The following RTTN variants were observed in gnomAD, a reference collection of about 807,000 sequenced individuals.
RTTN encodes rotatin.
A neutral mutation model predicts 269.2 loss-of-function variants in RTTN; 182 were observed. That is an observed-to-expected ratio of 0.68 (90% CI 0.60 to 0.76). The LOEUF (loss-of-function observed/expected upper bound fraction) is 0.76, where lower values mean the gene tolerates loss of function less well. Ranked by LOEUF, RTTN falls within the 30% of genes least tolerant of loss-of-function variation. The probability of loss-of-function intolerance (pLI) is 0.00; values close to 1 mark genes in which losing one functional copy is unlikely to be tolerated. For missense variants in RTTN, 2,545 were observed against 2,608.6 expected, an observed-to-expected ratio of 0.98 and a Z score of 0.53; for synonymous variants, 1,006 against 963.5, an observed-to-expected ratio of 1.04 and a Z score of -0.82.
At chr18:70,193,010 G>T in intron 8 of RTTN, 1 of 280,604 alleles carries the variant, frequency 3.6e-6, no homozygotes. Context: ...TGAACATTTT[G>T]TTTTGGGGGA....
intron 26 of RTTN, among the ~76,000 whole-genome samples, chr18:70,121,122 G>A (rs1318362733): frequency 6.6e-6 from 1 of 152,008 alleles, no homozygotes; most frequent in Non-Finnish European, 1.5e-5. Flanking sequence ...GGGCTAGAAG[G>A]GTAAATATTC....
At chr18:70,066,015 G>T (rs1258263294) in intron 34 of RTTN, 93 bp from the exon 35 acceptor site, 8 of 754,052 alleles carry the variant, frequency 1.1e-5, no homozygotes, top group Non-Finnish European at 1.6e-5. Flanking sequence ...AAACAAGGAG[G>T]TTTAAGACAA....
At chr18:70,111,236 G>C (rs1444976709) in intron 27 of RTTN, among the ~76,000 whole-genome samples, 3 of 152,192 alleles carry the variant, frequency 2.0e-5, no homozygotes, top group Non-Finnish European at 4.4e-5. Context: ...TCCTCAAGTG[G>C]GTCCCTGACC....
At chr18:70,110,442 C>T (rs1283035466) in intron 27 of RTTN, among the ~76,000 whole-genome samples, 1 of 152,134 alleles carries the variant, frequency 6.6e-6, no homozygotes, top group Non-Finnish European at 1.5e-5. Flanking sequence ...AGCATCGCCT[C>T]ACCTGGGAAG....
rs568172866 is a variant in RTTN, at chr18:70,153,231, G to A, written c.1930-2498C>T. 4.7e-5 allele frequency among the ~76,000 whole-genome samples: 7 copies of A among 149,578 alleles called. No homozygotes were observed. In the East Asian group the frequency reaches 1.4e-3, roughly 29 times the overall value. ...ATACATTGAATGTATATGCAGTGTT[G>A]TAAACTATATATATATATACATATT... On this transcript the variant is annotated intron_variant, in intron 14 of 48. Transcript: ENST00000640769.
chr18:70,143,279 T>C (rs2060305774), intron 18 of RTTN, among the ~76,000 whole-genome samples: 1 of 152,062 alleles, frequency 6.6e-6, no homozygotes, highest in East Asian at 1.9e-4. Context: ...CATTCTACCA[T>C]AAAGACACAT....
rs1001653192 is a variant in RTTN, at chr18:70,155,722, G to A, written c.1930-4989C>T. On this transcript the variant is annotated intron_variant, in intron 14 of 48. Coordinates refer to ENST00000640769, the MANE Select transcript of RTTN (RefSeq NM_173630.4). Reference sequence around the variant, plus strand: ...GGGCATGGCCATAGGTGCCTGTTGCGGGAAGTCAGGGACCCCGAACGGAGG... The same window carrying A: ...GGGCATGGCCATAGGTGCCTGTTGCAGGAAGTCAGGGACCCCGAACGGAGG... Among the ~76,000 whole-genome samples, 8 of 152,360 alleles carry A rather than the reference G, an allele frequency of 5.3e-5. No individual in the cohort carries two copies. In the East Asian group the frequency reaches 7.7e-4, roughly 15 times the overall value.
At chr18:70,144,997 C>A (rs2060351967) in intron 18 of RTTN, among the ~76,000 whole-genome samples, 1 of 152,228 alleles carries the variant, frequency 6.6e-6, no homozygotes, top group Admixed American at 6.5e-5. Context: ...ACAGTCCTAG[C>A]TAAAGACAGG....
At chr18:70,182,984 C>T (rs1442837175) in intron 10 of RTTN, among the ~76,000 whole-genome samples, 1 of 152,180 alleles carries the variant, frequency 6.6e-6, no homozygotes, top group Non-Finnish European at 1.5e-5. Context: ...CCTAATAACT[C>T]ACAGATAGGC....
Position 70,199,456 on chromosome 18 carries a change from G to C in RTTN, c.536C>G (p.Pro179Arg), listed in dbSNP as rs746204664. ...GACATGTCTGTCTGTGGTGGTCAGG[G>C]GTAGCCAAGGAAATGTAGAAAACTT... is the stretch of plus-strand genomic sequence containing the variant. The part of the protein sequence containing the change: ...CLKFSTFPWL[P>R]LTTTDRHVLS... The change falls in exon 5 of 49, where the codon CCC (proline) becomes CGC (arginine). Residue 179 changes from proline to arginine, a missense_variant. Pro to Arg is a moderately radical substitution (Grantham distance 103). Transcript: ENST00000640769. 3 of 1,612,916 alleles carry C rather than the reference G, an allele frequency of 1.9e-6. No individual in the cohort carries two copies. Among genetic ancestry groups the C allele is most frequent in the African/African-American group, 2.7e-5 (2 of 74,834 alleles).
At chr18:70,062,318 G>A (rs1393830066) in intron 35 of RTTN, among the ~76,000 whole-genome samples, 1 of 152,086 alleles carries the variant, frequency 6.6e-6, no homozygotes, top group Non-Finnish European at 1.5e-5. Context: ...ATGCAGAGAA[G>A]GGTCACTATC....
rs2061617119 is a variant in RTTN at position 70,189,283 on chromosome 18, TAC to T, written c.1190-1062_1190-1061del. Among the ~76,000 whole-genome samples, 7 of 152,314 alleles carry T rather than the reference TAC, an allele frequency of 4.6e-5. No individual in the cohort carries two copies. In the South Asian group the frequency reaches 1.5e-3, roughly 32 times the overall value. On this transcript the variant is annotated intron_variant, in intron 9 of 48. Transcript: ENST00000640769. ...GCACTTACTGAGTAAAAAGTATGAG[TAC>T]ACAGTTTTCCTCAGGATAAAAACAT... is the stretch of plus-strand genomic sequence containing the variant.
At chr18:70,072,009 A>T (rs1171225878) in intron 34 of RTTN, among the ~76,000 whole-genome samples, 1 of 152,196 alleles carries the variant, frequency 6.6e-6, no homozygotes, top group African/African-American at 2.4e-5. Flanking sequence ...ATTTTTTTAT[A>T]CATAAGAAAG....
chr18:70,166,122 C>T lies in RTTN; in HGVS notation c.1869G>A (p.Leu623=), dbSNP rs757634334. ...GESQKVLLHM[L]SHPLPRVKAE... ...CTTTCACTCGTGGCAATGGGTGAGACAACATATGGAGAAGCACCTTCTGAC... is the reference window on the plus strand; with the variant it reads ...CTTTCACTCGTGGCAATGGGTGAGATAACATATGGAGAAGCACCTTCTGAC... The change falls in exon 14 of 49, where the codon TTG becomes TTA. Residue 623 remains leucine, a synonymous_variant. Coordinates refer to ENST00000640769, the MANE Select transcript of RTTN (RefSeq NM_173630.4). 6.2e-7 allele frequency: 1 copy of T among 1,613,662 alleles called. No individual in the cohort carries two copies. The highest frequency in any genetic ancestry group is 2.2e-5 in the East Asian group (1 of 44,838).
At chr18:70,076,649 C>G (rs1371237558) in intron 32 of RTTN, among the ~76,000 whole-genome samples, 1 of 151,934 alleles carries the variant, frequency 6.6e-6, no homozygotes, top group African/African-American at 2.4e-5. Flanking sequence ...AATAAATCTA[C>G]CAACACTGTG....
intron 11 of RTTN, among the ~76,000 whole-genome samples, chr18:70,169,310 A>G (rs2061075364): frequency 6.6e-6 from 1 of 150,662 alleles, no homozygotes; most frequent in East Asian, 1.9e-4. Context: ...AGCCTAAGAT[A>G]CTAACTACTT....
chr18:70,181,013 A>T (rs1411649295), intron 10 of RTTN, among the ~76,000 whole-genome samples: 1 of 152,216 alleles, frequency 6.6e-6, no homozygotes, highest in Non-Finnish European at 1.5e-5. Context: ...GGGAAGGTCT[A>T]TGTAATTAGA....
intron 36 of RTTN, among the ~76,000 whole-genome samples, chr18:70,058,220 A>C (rs923532238): frequency 6.6e-5 from 10 of 152,224 alleles, no homozygotes; most frequent in Non-Finnish European, 1.3e-4. Context: ...GTAAAAAACA[A>C]AATAAAGTAA....
intron 30 of RTTN, among the ~76,000 whole-genome samples, chr18:70,090,495 TAAAG>T (rs146310839): frequency 3.3e-5 from 5 of 152,284 alleles, no homozygotes; most frequent in African/African-American, 1.2e-4. Context: ...AATGATTACA[TAAAG>T]AGATGAGGTG....
Sources: gnomAD v4.1 joint callset for allele counts (sites outside exome capture counted in the v4.1 genomes callset) on GRCh38, gnomAD v4.1.1 for gene constraint, MANE v1.5 for transcripts, NCBI Gene and HGNC (gene_info 2026-07-23, HGNC 2026-07-21) for gene names.